GPD2: variants seen among roughly 807,000 people sequenced by gnomAD.
GPD2 encodes glycerol-3-phosphate dehydrogenase 2, also known as glycerol-3-phosphate dehydrogenase, mitochondrial.
Under a neutral mutation model 82.4 loss-of-function variants are expected in GPD2, and 54 were observed. The ratio of observed to expected loss-of-function variants is 0.66; its 90% CI spans 0.53 to 0.82. GPD2 has a LOEUF of 0.82. Ranked by LOEUF, GPD2 falls within the 40% of genes least tolerant of loss-of-function variation. GPD2 has a pLI of 0.00. For missense variants in GPD2, 748 were observed against 896.2 expected, an observed-to-expected ratio of 0.83 and a Z score of 2.11; for synonymous variants, 288 against 306.1, an observed-to-expected ratio of 0.94 and a Z score of 0.62.
At chr2:156,573,128 T>A (rs1203552669) in intron 13 of GPD2, among the ~76,000 whole-genome samples, 1 of 152,164 alleles carries the variant, frequency 6.6e-6, no homozygotes, top group Non-Finnish European at 1.5e-5. Flanking sequence ...ATCAGTCACC[T>A]GGGAAATGTG....
intron 2 of GPD2, 25 bp downstream of exon 2, chr2:156,476,232 T>C (rs1160610453): frequency 6.5e-6 from 8 of 1,227,248 alleles, no homozygotes; most frequent in Admixed American, 3.4e-5. Flanking sequence ...TTGTGTTGAT[T>C]ACAGTATGCA....
chr2:156,425,923 CTT>C, the GPD2 span, among the ~76,000 whole-genome samples: 21 of 136,320 alleles, frequency 1.5e-4, no homozygotes, highest in Admixed American at 3.0e-4. Flanking sequence ...AGTCTGGGTA[CTT>C]TTTTTTTTTT....
chr2:156,496,088 A>G lies in GPD2; in HGVS notation c.147A>G (p.Pro49=). The change falls in exon 3 of 17, where the codon CCA becomes CCG. Residue 49 remains proline (P), a synonymous_variant. Transcript: ENST00000438166. ...YVKAADCISE[P]VNREPPSREA... is the part of the protein sequence containing the mutation. ...AAGCAGCAGACTGCATTTCAGAACC[A>G]GTTAACAGGGAGCCTCCTTCCAGAG... 1 of 1,613,080 alleles carries G rather than the reference A, an allele frequency of 6.2e-7. No homozygotes were observed. The highest frequency in any genetic ancestry group is 1.3e-5 in the African/African-American group (1 of 75,028).
chr2:156,557,657 T>TA, intron 9 of GPD2, 75 bp downstream of exon 9: 5 of 853,052 alleles, frequency 5.9e-6, no homozygotes, highest in Non-Finnish European at 1.0e-5. Context: ...ACTGGATAAA[T>TA]GCTATGTCTC....
chr2:156,453,439 T>C (rs1203415589), intron 1 of GPD2, among the ~76,000 whole-genome samples: 1 of 151,968 alleles, frequency 6.6e-6, no homozygotes, highest in Non-Finnish European at 1.5e-5. Flanking sequence ...AAAGAGAAGG[T>C]GGTGTTTACA....
At chr2:156,496,803 T>A (rs535749159) in intron 3 of GPD2, among the ~76,000 whole-genome samples, 6 of 152,220 alleles carry the variant, frequency 3.9e-5, no homozygotes, top group South Asian at 2.1e-4. Flanking sequence ...GGTAGAAAAA[T>A]TTATTAAGCT....
intron 6 of GPD2, among the ~76,000 whole-genome samples, chr2:156,529,925 C>T (rs1197571603): frequency 6.6e-6 from 1 of 152,090 alleles, no homozygotes; most frequent in African/African-American, 2.4e-5. Flanking sequence ...GATGTGGGCT[C>T]TTTTTTGGTT....
chr2:156,424,013 C>T, the GPD2 span, among the ~76,000 whole-genome samples: 30 of 152,216 alleles, frequency 2.0e-4, no homozygotes, highest in Non-Finnish European at 2.9e-4. Flanking sequence ...AGTAAATAGC[C>T]CTTAATATAG....
intron 1 of GPD2, among the ~76,000 whole-genome samples, chr2:156,459,494 G>A (rs1035533077): frequency 2.0e-5 from 3 of 151,720 alleles, no homozygotes; most frequent in African/African-American, 7.3e-5. Context: ...AGACCATCCT[G>A]GCCAACATGG....
chr2:156,463,619 A>T (rs1683059611), intron 1 of GPD2, among the ~76,000 whole-genome samples: 1 of 152,208 alleles, frequency 6.6e-6, no homozygotes, highest in Non-Finnish European at 1.5e-5. Flanking sequence ...AGTTCAAGTG[A>T]TTTGCCTGAA....
chr2:156,480,341 T>C (rs1371437207), intron 2 of GPD2, among the ~76,000 whole-genome samples: 1 of 152,136 alleles, frequency 6.6e-6, no homozygotes, highest in East Asian at 1.9e-4. Flanking sequence ...CCAGGGAGAA[T>C]GAAACAAGAA....
At position 156,498,423 on chromosome 2, in the gene GPD2, T is replaced by C. The variant is rs528137648; in HGVS notation, c.274+2208T>C. ...GAGTGGGAAACTTTACTTATGCTGT[T>C]TGGCATAGGTAACATTTTAATAGGC... On this transcript the variant is annotated intron_variant, in intron 3 of 16. Transcript: ENST00000438166. 5.3e-5 allele frequency among the ~76,000 whole-genome samples: 8 copies of C among 152,332 alleles called. No individual in the cohort carries two copies. In the South Asian group the frequency reaches 1.7e-3, roughly 32 times the overall value.
At chr2:156,562,956 T>C (rs1687230110) in intron 9 of GPD2, among the ~76,000 whole-genome samples, 1 of 152,194 alleles carries the variant, frequency 6.6e-6, no homozygotes. Context: ...CTGGGTGCCC[T>C]CTAGGTGAGC....
chr2:156,556,999 G>A (rs997302887), intron 8 of GPD2, among the ~76,000 whole-genome samples: 5 of 152,220 alleles, frequency 3.3e-5, no homozygotes, highest in Middle Eastern at 3.4e-3. Context: ...AAAGGCTGAA[G>A]ACATATCCTT....
chr2:156,498,378 T>C (rs1473648919), intron 3 of GPD2, among the ~76,000 whole-genome samples: 1 of 152,164 alleles, frequency 6.6e-6, no homozygotes, highest in East Asian at 1.9e-4. Context: ...AGGGTAGTCA[T>C]ATCTACATAG....
At chr2:156,450,948 C>T (rs561332751) in intron 1 of GPD2, among the ~76,000 whole-genome samples, 6 of 133,190 alleles carry the variant, frequency 4.5e-5, no homozygotes, top group South Asian at 5.6e-4. Context: ...TGAGTGGACA[C>T]AGCACATGTT....
chr2:156,412,586 T>A, the GPD2 span, among the ~76,000 whole-genome samples: 6 of 152,196 alleles, frequency 3.9e-5, no homozygotes, highest in South Asian at 8.3e-4. Flanking sequence ...ATTGTATGTA[T>A]CTTATAGGGT....
the GPD2 span, among the ~76,000 whole-genome samples, chr2:156,405,095 T>C: frequency 2.6e-5 from 4 of 152,002 alleles, no homozygotes; most frequent in African/African-American, 9.7e-5. Flanking sequence ...GTAGTTAGAA[T>C]AGGAGTAGAG....
chr2:156,519,454 T>C (rs867349136), intron 6 of GPD2, among the ~76,000 whole-genome samples: 1 of 152,208 alleles, frequency 6.6e-6, no homozygotes, highest in South Asian at 2.1e-4. Context: ...AAATTGTGTA[T>C]TTAAAGAAAA....
Sources: gnomAD v4.1 joint callset for allele counts (sites outside exome capture counted in the v4.1 genomes callset) on GRCh38, gnomAD v4.1.1 for gene constraint, MANE v1.5 for transcripts, NCBI Gene and HGNC (gene_info 2026-07-23, HGNC 2026-07-21) for gene names.